Variants in PARD6G observed in about 807,000 individuals in gnomAD.
PARD6G encodes partitioning defective 6 homolog gamma.
PARD6G carries 7 observed loss-of-function variants against 10.7 expected under a neutral mutation model. The observed-to-expected ratio is 0.66, with a 90% CI of 0.37 to 1.23. The LOEUF (loss-of-function observed/expected upper bound fraction) is 1.23. Ranked by LOEUF, PARD6G falls within the 50% of genes most tolerant of loss-of-function variation. PARD6G has a pLI of 0.02. For synonymous variants in PARD6G, 287 were observed against 269.4 expected, an observed-to-expected ratio of 1.07 and a Z score of -0.64; for missense variants, 548 against 571.8, an observed-to-expected ratio of 0.96 and a Z score of 0.42.
intron 1 of PARD6G, among the ~76,000 whole-genome samples, chr18:80,218,519 G>T (rs1391272562): frequency 6.6e-6 from 1 of 152,192 alleles, no homozygotes; most frequent in African/African-American, 2.4e-5. Context: ...GGGCAGCTCT[G>T]CCCCTGTGGC....
At chr18:80,243,411 C>G (rs955691640) in intron 1 of PARD6G, among the ~76,000 whole-genome samples, 1 of 152,134 alleles carries the variant, frequency 6.6e-6, no homozygotes, top group Non-Finnish European at 1.5e-5. Context: ...CACAAAAGAC[C>G]GGAAGGCCAG....
At position 80,160,537 on chromosome 18, in the gene PARD6G, C is replaced by T. The variant is rs2052692685; in HGVS notation, c.365G>A (p.Arg122His). The T allele has an allele frequency of 6.7e-7, 1 of 1,502,900 alleles. No individual in the cohort carries two copies. The highest frequency in any genetic ancestry group is 8.9e-7 in the Non-Finnish European group (1 of 1,127,918). 93.1% of individuals were successfully genotyped at this position (1,502,900 alleles called of 1,614,324 possible). Residue 122 changes from arginine to histidine, a missense_variant, in exon 3 of 3, where the codon CGT becomes CAT. Coordinates refer to ENST00000353265, the MANE Select transcript of PARD6G (RefSeq NM_032510.4). ...TGCACGCCGCCGGGGTCCTTCATCA[C>T]GCAGCGCGCCCAGCGCCCGCCTCCG... The part of the protein sequence containing the change: ...CRRRRALGAL[R>H]DEGPRRRAHL...
intron 1 of PARD6G, among the ~76,000 whole-genome samples, chr18:80,229,314 AAACAC>A (rs1967333087): frequency 6.6e-6 from 1 of 152,240 alleles, no homozygotes; most frequent in African/African-American, 2.4e-5. Flanking sequence ...ACACACACAA[AAACAC>A]AACACCGAAT....
intron 2 of PARD6G, among the ~76,000 whole-genome samples, chr18:80,191,355 CTTCT>C (rs1205111515): frequency 6.6e-6 from 1 of 151,788 alleles, no homozygotes; most frequent in East Asian, 1.9e-4. Context: ...GTAAAATTCT[CTTCT>C]TTCTTTTTTT....
intron 2 of PARD6G, among the ~76,000 whole-genome samples, chr18:80,178,700 G>A (rs371044791): frequency 2.6e-5 from 4 of 152,212 alleles, no homozygotes; most frequent in African/African-American, 7.2e-5. Flanking sequence ...AGAGTTTGAA[G>A]GAGTGCCACC....
rs952203876 is a variant in PARD6G, at chr18:80,181,714, T to G, written c.295+20996A>C. The stretch of plus-strand genomic sequence containing the variant: ...AACCTGGAGCCTGGCCCTTCCCTCC[T>G]TCCTGGCTGGAAGCTGCTTTCAGCT... On this transcript the variant is annotated intron_variant, in intron 2 of 2. Coordinates refer to ENST00000353265, the MANE Select transcript of PARD6G (RefSeq NM_032510.4). The surrounding 1 kb of genome is among the most constrained non-coding windows in gnomAD (Gnocchi z 7.9). Among the ~76,000 whole-genome samples the G allele has an allele frequency of 8.5e-5, 13 of 152,092 alleles. No homozygotes were observed. Among genetic ancestry groups the G allele is most frequent in the African/African-American group, 3.1e-4 (13 of 41,418 alleles).
intron 2 of PARD6G, among the ~76,000 whole-genome samples, chr18:80,193,205 T>G (rs1431074117): frequency 1.3e-5 from 2 of 152,096 alleles, no homozygotes; most frequent in Non-Finnish European, 2.9e-5. Context: ...GCCTGTGGCC[T>G]GGGGTGTGGT....
intron 2 of PARD6G, chr18:80,187,863 G>T (rs1021883588): frequency 6.6e-6 from 1 of 152,180 alleles, no homozygotes; most frequent in African/African-American, 2.4e-5. Context: ...CAGGCTACGT[G>T]GAGTAGCCCA....
chr18:80,220,100 G>A (rs1967213291), intron 1 of PARD6G, among the ~76,000 whole-genome samples: 1 of 152,148 alleles, frequency 6.6e-6, no homozygotes, highest in Non-Finnish European at 1.5e-5. Flanking sequence ...CTGCAAGGCT[G>A]GGGAGGCCTT....
chr18:80,227,801 A>T (rs1407229136), intron 1 of PARD6G, among the ~76,000 whole-genome samples: 1 of 152,054 alleles, frequency 6.6e-6, no homozygotes. Flanking sequence ...AGAGAAGAGC[A>T]TCTGAGAAAC....
rs1306362478 is a variant in PARD6G, at chr18:80,180,195, G to C, written c.296-19589C>G. Among the ~76,000 whole-genome samples, 1 of 152,248 alleles carries C rather than the reference G, an allele frequency of 6.6e-6. No homozygotes were observed. The highest frequency in any genetic ancestry group is 2.4e-5 in the African/African-American group (1 of 41,470). ...CTGCTCACCTGGGCTTGGGTGTCCAGGTCCTGAGCTCACTCCTGGTGATAC... is the reference window on the plus strand; with the variant it reads ...CTGCTCACCTGGGCTTGGGTGTCCACGTCCTGAGCTCACTCCTGGTGATAC... On this transcript the variant is annotated intron_variant, in intron 2 of 2. Transcript: ENST00000353265. The surrounding 1 kb of genome is among the most constrained non-coding windows in gnomAD (Gnocchi z 5.6).
rs1212668376 is a variant in PARD6G at position 80,175,383 on chromosome 18, C to T, written c.296-14777G>A. ...AACAGTTTCTGGGGAGGGCTCTCTT[C>T]CCGGCTTACAGACAGCTGCCTTCTT... On this transcript the variant is annotated intron_variant, in intron 2 of 2. Transcript: ENST00000353265. This position sits in a 1 kb window ranked among gnomAD's most constrained non-coding sequence, Gnocchi z 6.7. 6.6e-6 allele frequency among the ~76,000 whole-genome samples: 1 copy of T among 152,208 alleles called. No homozygotes were observed. The highest frequency in any genetic ancestry group is 2.4e-5 in the African/African-American group (1 of 41,448).
chr18:80,218,928 C>T (rs1478524120), intron 1 of PARD6G, among the ~76,000 whole-genome samples: 2 of 152,250 alleles, frequency 1.3e-5, no homozygotes, highest in African/African-American at 4.8e-5. Flanking sequence ...GAAGCAACCA[C>T]CTGAGCTGTA....
In PARD6G at chr18:80,179,402, G is replaced by A. The variant is rs563585204; in HGVS notation, c.296-18796C>T. On this transcript the variant is annotated intron_variant, in intron 2 of 2. Transcript: ENST00000353265. The stretch of plus-strand genomic sequence containing the variant: ...CTAGACTGCAGCAACATGCCCTCCC[G>A]CCCACGCCCGCTCCCTTGCCAGGGT... 5.3e-5 allele frequency among the ~76,000 whole-genome samples: 8 copies of A among 152,126 alleles called. No homozygotes were observed. In the South Asian group the frequency reaches 6.2e-4, roughly 12 times the overall value.
chr18:80,213,733 C>T (rs540363301), intron 1 of PARD6G, among the ~76,000 whole-genome samples: 78 of 151,068 alleles, frequency 5.2e-4, no homozygotes, highest in African/African-American at 1.6e-3. Context: ...CCGAGGAGGG[C>T]GGATCATGAG....
intron 1 of PARD6G, among the ~76,000 whole-genome samples, chr18:80,216,163 G>A (rs1352218791): frequency 6.6e-6 from 1 of 152,072 alleles, no homozygotes; most frequent in African/African-American, 2.4e-5. Flanking sequence ...TAAATGAACA[G>A]TTCAACAATA....
At chr18:80,205,234 A>G (rs1404459335) in intron 1 of PARD6G, among the ~76,000 whole-genome samples, 2 of 152,224 alleles carry the variant, frequency 1.3e-5, no homozygotes, top group African/African-American at 4.8e-5. Context: ...TGACACTGGT[A>G]CAGCATGTAG....
At chr18:80,167,287 T>C (rs2052742952) in intron 2 of PARD6G, among the ~76,000 whole-genome samples, 1 of 145,954 alleles carries the variant, frequency 6.9e-6, no homozygotes, top group Non-Finnish European at 1.5e-5. Context: ...GGATAACACA[T>C]GGGCAGTGTT....
At chr18:80,186,236 A>G (rs1447514037) in intron 2 of PARD6G, among the ~76,000 whole-genome samples, 3 of 140,442 alleles carry the variant, frequency 2.1e-5, no homozygotes, top group Non-Finnish European at 4.6e-5. Flanking sequence ...ACCCTCACGC[A>G]TGCATGCATC....
Sources: allele counts gnomAD v4.1 joint callset (sites outside exome capture counted in the v4.1 genomes callset), GRCh38; gene constraint gnomAD v4.1.1; non-coding constraint Gnocchi (gnomAD v3.1); transcripts MANE v1.5; gene names NCBI Gene and HGNC (gene_info 2026-07-23, HGNC 2026-07-21).